The following HDHD2 variants were observed in gnomAD, a reference collection of about 807,000 sequenced individuals.
HDHD2 encodes haloacid dehalogenase-like hydrolase domain-containing protein 2.
Under a neutral mutation model 24.8 loss-of-function variants are expected in HDHD2, and 26 were observed. The ratio of observed to expected loss-of-function variants is 1.05; its 90% CI spans 0.77 to 1.45. The LOEUF (loss-of-function observed/expected upper bound fraction) is 1.45, where lower values mean the gene tolerates loss of function less well. HDHD2 is among the 40% of genes most tolerant of loss of function. The pLI is 0.00. For missense variants in HDHD2, 299 were observed against 313.4 expected (o/e 0.95, Z 0.35); for synonymous variants, 128 against 114.9 (o/e 1.11, Z -0.73).
chr18:47,113,455 T>C (rs958183891), intron 5 of HDHD2, among the ~76,000 whole-genome samples: 13 of 152,210 alleles, frequency 8.5e-5, no homozygotes, highest in Non-Finnish European at 1.0e-4. Flanking sequence ...GTGGCCCACA[T>C]AGTATGTTAT....
intron 5 of HDHD2, among the ~76,000 whole-genome samples, chr18:47,114,117 C>A (rs991657904): frequency 2.0e-5 from 3 of 152,204 alleles, no homozygotes; most frequent in Non-Finnish European, 4.4e-5. Context: ...CTAGGAAAGG[C>A]AGCTAAAGGC....
chr18:47,124,341 G>A (rs114736140), intron 4 of HDHD2, among the ~76,000 whole-genome samples: 1,925 of 152,238 alleles, frequency 0.013, 41 homozygotes, highest in African/African-American at 0.045. Context: ...TTAAGAGAGT[G>A]AAAAGGCAAA....
chr18:47,111,412 G>A (rs549808495), intron 6 of HDHD2: 72 of 980,792 alleles, frequency 7.3e-5, no homozygotes, highest in Non-Finnish European at 8.6e-5. Context: ...ATACTCATGG[G>A]AATAATACAC....
intron 1 of HDHD2, among the ~76,000 whole-genome samples, chr18:47,144,563 A>G (rs1305169744): frequency 3.9e-5 from 6 of 152,206 alleles, no homozygotes; most frequent in African/African-American, 1.4e-4. Flanking sequence ...CTTGACTAGC[A>G]GGTGCCTGGC....
chr18:47,116,093 G>A (rs1443648624), intron 4 of HDHD2, among the ~76,000 whole-genome samples: 2 of 152,072 alleles, frequency 1.3e-5, no homozygotes, highest in Admixed American at 6.5e-5. Context: ...ATCCTCATTA[G>A]TAACTCAGGC....
chr18:47,117,361 C>G (rs568322510), intron 4 of HDHD2, among the ~76,000 whole-genome samples: 25 of 152,016 alleles, frequency 1.6e-4, no homozygotes, highest in Non-Finnish European at 3.1e-4. Context: ...CATGAGAGCT[C>G]CACCGTTAAT....
chr18:47,137,353 T>A, intron 1 of HDHD2: 1 of 329,660 alleles, frequency 3.0e-6, no homozygotes, highest in Non-Finnish European at 5.8e-6. Flanking sequence ...CAGACCAAGC[T>A]TACATTCTCA....
chr18:47,110,123 C>T (rs1407046316), intron 6 of HDHD2: 1 of 985,300 alleles, frequency 1.0e-6, no homozygotes, highest in Non-Finnish European at 1.2e-6. Flanking sequence ...CTAAACTCAG[C>T]TCTTTCAACA....
At position 47,113,022 on chromosome 18, in the gene HDHD2, C is replaced by G; in HGVS notation, c.631G>C (p.Gly211Arg). The stretch of plus-strand genomic sequence containing the variant: ...AGCATGCCGACATCTTGAGCCCCAC[C>G]AACATCATCCCTGCAATCCTAGAAA... The part of the protein sequence containing the change: ...MIGDDCRDDV[G>R]GAQDVGMLGI... Residue 211 changes from glycine (G) to arginine (R), a missense_variant, in exon 6 of 7, where the codon GGT becomes CGT. Physicochemically the swap from Gly to Arg is moderately radical, Grantham distance 125. Coordinates refer to ENST00000300605, the MANE Select transcript of HDHD2 (RefSeq NM_032124.5). 3 of 1,614,058 alleles carry G rather than the reference C, an allele frequency of 1.9e-6. No individual in the cohort carries two copies. Among genetic ancestry groups the G allele is most frequent in the Non-Finnish European group, 2.5e-6 (3 of 1,179,926 alleles).
intron 6 of HDHD2, chr18:47,110,210 A>G (rs1468529211): frequency 1.0e-6 from 1 of 985,358 alleles, no homozygotes; most frequent in Non-Finnish European, 1.2e-6. Flanking sequence ...CCTCTTTTCC[A>G]CATCTTTGCA....
At chr18:47,147,316 T>C (rs1370165403) in intron 1 of HDHD2, among the ~76,000 whole-genome samples, 1 of 152,186 alleles carries the variant, frequency 6.6e-6, no homozygotes, top group African/African-American at 2.4e-5. Flanking sequence ...AGTCCACATG[T>C]TATTCTATTT....
At chr18:47,119,922 G>A (rs916482055) in intron 4 of HDHD2, among the ~76,000 whole-genome samples, 3 of 152,190 alleles carry the variant, frequency 2.0e-5, no homozygotes, top group Middle Eastern at 3.2e-3. Context: ...CATCTCCAGC[G>A]GAGCTCTTGG....
intron 5 of HDHD2, 69 bp downstream of exon 5, chr18:47,115,063 A>G: frequency 9.6e-7 from 1 of 1,045,534 alleles, no homozygotes; most frequent in Non-Finnish European, 1.5e-6. Flanking sequence ...TTCCTAAAGC[A>G]GTGTTTCTAA....
At chr18:47,124,533 C>T (rs564768148) in intron 4 of HDHD2, among the ~76,000 whole-genome samples, 36 of 151,822 alleles carry the variant, frequency 2.4e-4, no homozygotes, top group African/African-American at 8.5e-4. Flanking sequence ...ACGGAGAAAC[C>T]CTGTTTCTAC....
intron 6 of HDHD2, chr18:47,111,200 A>T: frequency 1.0e-6 from 1 of 985,300 alleles, no homozygotes; most frequent in Non-Finnish European, 1.2e-6. Flanking sequence ...TGTTACGCTG[A>T]TGGCTTCTCA....
chr18:47,119,641 C>A (rs1245048146), intron 4 of HDHD2, among the ~76,000 whole-genome samples: 1 of 152,208 alleles, frequency 6.6e-6, no homozygotes, highest in Non-Finnish European at 1.5e-5. Context: ...TTAAAATCAA[C>A]TTCTTCCAAA....
At chr18:47,146,220 A>T (rs1247622133) in intron 1 of HDHD2, among the ~76,000 whole-genome samples, 1 of 149,426 alleles carries the variant, frequency 6.7e-6, no homozygotes, top group African/African-American at 2.5e-5. Flanking sequence ...ACAGAGCAAG[A>T]ATGTGTCTCA....
chr18:47,133,682 T>C (rs1192591343), intron 3 of HDHD2, among the ~76,000 whole-genome samples: 1 of 152,166 alleles, frequency 6.6e-6, no homozygotes, highest in Non-Finnish European at 1.5e-5. Flanking sequence ...CTAACTGGTG[T>C]GAGATGATAT....
chr18:47,110,893 T>C (rs1490219898), intron 6 of HDHD2: 4 of 984,716 alleles, frequency 4.1e-6, no homozygotes, highest in Non-Finnish European at 4.8e-6. Context: ...GATCAAATTA[T>C]ATTGAGCATC....
Sources: gnomAD v4.1 joint callset for allele counts (sites outside exome capture counted in the v4.1 genomes callset) on GRCh38, gnomAD v4.1.1 for gene constraint, MANE v1.5 for transcripts, NCBI Gene and HGNC (gene_info 2026-07-23, HGNC 2026-07-21) for gene names.